Variants in SLC4A1AP observed in about 807,000 individuals in gnomAD.
The protein encoded by SLC4A1AP is kanadaptin.
A neutral mutation model predicts 89.7 loss-of-function variants in SLC4A1AP; 64 were observed. The observed-to-expected ratio is 0.71, with a 90% CI of 0.58 to 0.88. The LOEUF is 0.88. Among genes scored for constraint, SLC4A1AP ranks in the 40% least tolerant of loss-of-function variants. SLC4A1AP has a pLI of 0.00. For missense variants in SLC4A1AP, 931 were observed against 965.0 expected (o/e 0.96, Z 0.47); for synonymous variants, 366 against 353.3 (o/e 1.04, Z -0.40).
exon 14 of SLC4A1AP, chr2:27,694,730 A>C: frequency 7.6e-7 from 1 of 1,314,704 alleles, no homozygotes; most frequent in South Asian, 1.4e-5. Context: ...TGTGACATGG[A>C]ATATTTGGGA....
chr2:27,685,837 T>C lies in SLC4A1AP; in HGVS notation c.2116+560T>C, dbSNP rs79167738. ...GAAAGACGGAATAGATTGATATTCA[T>C]ATAGATATATGCATCAATTAATTCT... is the stretch of plus-strand genomic sequence containing the variant. On this transcript the variant is annotated intron_variant, in intron 10 of 13. Coordinates refer to ENST00000613058, the Ensembl canonical transcript of SLC4A1AP. Among the ~76,000 whole-genome samples the C allele has an allele frequency of 6.6e-3, 1,013 of 152,336 alleles. 17 individuals are homozygous for C. Among genetic ancestry groups the C allele is most frequent in the African/African-American group, 0.023 (963 of 41,574 alleles).
chr2:27,673,142 A>T (rs1371047163), intron 5 of SLC4A1AP, among the ~76,000 whole-genome samples: 1 of 152,140 alleles, frequency 6.6e-6, no homozygotes, highest in African/African-American at 2.4e-5. Context: ...CTTAGTATCC[A>T]TCCCCAGTTG....
chr2:27,681,112 T>C (rs916679809), intron 8 of SLC4A1AP, among the ~76,000 whole-genome samples: 2 of 152,214 alleles, frequency 1.3e-5, no homozygotes, highest in Admixed American at 1.3e-4. Flanking sequence ...TAGGCCAGCC[T>C]GGCTTTTTAA....
intron 3 of SLC4A1AP, chr2:27,668,499 G>A: frequency 2.3e-6 from 1 of 436,926 alleles, no homozygotes; most frequent in Middle Eastern, 7.3e-4. Context: ...GCCCAGGCCG[G>A]AGTGCAATGG....
chr2:27,665,022 A>C, intron 1 of SLC4A1AP, 78 bp from the exon 2 acceptor site: 4 of 1,163,308 alleles, frequency 3.4e-6, no homozygotes, highest in Non-Finnish European at 3.7e-6. Context: ...CAGCCACTGC[A>C]CTCCAGTCCA....
At chr2:27,676,427 G>A (rs1675523984) in intron 6 of SLC4A1AP, among the ~76,000 whole-genome samples, 1 of 152,180 alleles carries the variant, frequency 6.6e-6, no homozygotes, top group African/African-American at 2.4e-5. Context: ...AATGCCTTGA[G>A]CTCTTTCTTC....
chr2:27,676,831 A>C (rs1203768247), intron 6 of SLC4A1AP, among the ~76,000 whole-genome samples: 1 of 85,092 alleles, frequency 1.2e-5, no homozygotes, highest in Non-Finnish European at 2.4e-5. Context: ...CTCCATCTCA[A>C]AAAAAAAAAA....
intron 7 of SLC4A1AP, 59 bp downstream of exon 7, chr2:27,677,423 T>TG: frequency 8.8e-7 from 1 of 1,135,828 alleles, no homozygotes; most frequent in South Asian, 1.3e-5. Context: ...TGCTAGGCAC[T>TG]GGGGCTACAT....
intron 8 of SLC4A1AP, among the ~76,000 whole-genome samples, chr2:27,680,750 A>AAC (rs1161322052): frequency 6.6e-6 from 1 of 151,944 alleles, no homozygotes; most frequent in Non-Finnish European, 1.5e-5. Flanking sequence ...CAAACAAACA[A>AAC]ACAAAAACAA....
intron 1 of SLC4A1AP, 41 bp downstream of exon 1, chr2:27,664,618 G>A (rs1156761548): frequency 6.9e-7 from 1 of 1,457,400 alleles, no homozygotes; most frequent in Non-Finnish European, 9.5e-7. Context: ...GGGTTCATTG[G>A]ACTGCGTTCT....
intron 5 of SLC4A1AP, among the ~76,000 whole-genome samples, chr2:27,673,990 TTG>T (rs56759152): frequency 0.057 from 8,447 of 148,516 alleles, 245 homozygotes; most frequent in South Asian, 0.083. Flanking sequence ...CATATACAAG[TTG>T]TGTGTGTGTG....
At chr2:27,683,268 A>G (rs1335169222) in intron 9 of SLC4A1AP, among the ~76,000 whole-genome samples, 1 of 152,152 alleles carries the variant, frequency 6.6e-6, no homozygotes, top group Non-Finnish European at 1.5e-5. Context: ...TGCTTTATCT[A>G]TATTCCTATT....
chr2:27,677,911 C>G (rs767404622), exon 8 of SLC4A1AP: 4 of 1,591,990 alleles, frequency 2.5e-6, no homozygotes, highest in Admixed American at 3.7e-5. Flanking sequence ...AGCAGAGATT[C>G]CAGAACTAAA....
At chr2:27,670,653 G>A (rs1251189839) in intron 5 of SLC4A1AP, among the ~76,000 whole-genome samples, 2 of 151,254 alleles carry the variant, frequency 1.3e-5, no homozygotes, top group African/African-American at 2.4e-5. Flanking sequence ...TCAGGAGATC[G>A]AGACCATCCT....
At chr2:27,673,544 G>A (rs1313720174) in intron 5 of SLC4A1AP, among the ~76,000 whole-genome samples, 1 of 150,852 alleles carries the variant, frequency 6.6e-6, no homozygotes, top group Non-Finnish European at 1.5e-5. Flanking sequence ...GCTCACTGCA[G>A]CATCAACTTC....
At chr2:27,680,748 C>T (rs749157777) in intron 8 of SLC4A1AP, among the ~76,000 whole-genome samples, 1 of 145,420 alleles carries the variant, frequency 6.9e-6, no homozygotes, top group Non-Finnish European at 1.5e-5. Context: ...AACAAACAAA[C>T]AAACAAAAAC....
chr2:27,675,191 T>C (rs1428360051), intron 5 of SLC4A1AP, among the ~76,000 whole-genome samples: 2 of 151,016 alleles, frequency 1.3e-5, no homozygotes, highest in African/African-American at 4.8e-5. Flanking sequence ...ATTTTGGAAC[T>C]TTTTTATCAT....
chr2:27,685,129 A>C, exon 10 of SLC4A1AP: 1 of 1,613,926 alleles, frequency 6.2e-7, no homozygotes, highest in Non-Finnish European at 8.5e-7. Context: ...AGGAAGAGGA[A>C]GAAGAGAAAG....
At chr2:27,694,699 A>G in exon 14 of SLC4A1AP, 1 of 1,548,928 alleles carries the variant, frequency 6.5e-7, no homozygotes, top group Admixed American at 1.7e-5. Context: ...TCAGAATCCC[A>G]AAAGAAAACC....
Sources: allele counts gnomAD v4.1 joint callset (sites outside exome capture counted in the v4.1 genomes callset), GRCh38; gene constraint gnomAD v4.1.1; transcripts MANE v1.5; gene names NCBI Gene and HGNC (gene_info 2026-07-23, HGNC 2026-07-21).